The following AGRN variants were observed in gnomAD, a reference collection of about 807,000 sequenced individuals.
AGRN encodes agrin proteoglycan.
In AGRN, 106 loss-of-function variants were observed where a neutral mutation model predicts 211.0. That is an observed-to-expected ratio of 0.50 (90% CI 0.43 to 0.59). The LOEUF (loss-of-function observed/expected upper bound fraction) is 0.59, where lower values mean the gene tolerates loss of function less well. Ranked by LOEUF, AGRN falls within the 20% of genes least tolerant of loss-of-function variation. The pLI, the probability that AGRN is intolerant of heterozygous loss-of-function variation, is 0.00. For synonymous variants in AGRN, 1,525 were observed against 1,332.5 expected, an observed-to-expected ratio of 1.14 and a Z score of -3.15; for missense variants, 3,040 against 2,982.6, an observed-to-expected ratio of 1.02 and a Z score of -0.45.
At position 1,043,751 on chromosome 1, in the gene AGRN, C is replaced by A. The variant is rs1252470719; in HGVS notation, c.1798+19C>A. Reference sequence around the variant, plus strand: ...CCCTGTGGTGAGTGAGGCCCTGGGGCCGGGCGGGCCAGGGTCCTGTGCCTC... The same window carrying A: ...CCCTGTGGTGAGTGAGGCCCTGGGGACGGGCGGGCCAGGGTCCTGTGCCTC... On this transcript the variant is annotated intron_variant, in intron 9 of 35. Coordinates refer to ENST00000379370, the MANE Select transcript of AGRN (RefSeq NM_198576.4). The A allele has an allele frequency of 6.2e-7, 1 of 1,602,126 alleles. No individual in the cohort carries two copies. Among genetic ancestry groups the A allele is most frequent in the Non-Finnish European group, 8.5e-7 (1 of 1,179,734 alleles).
In AGRN at chr1:1,020,242, CTGCCCGGAGCCGGCGGGACA is replaced by C. The variant is rs1644365484; in HGVS notation, c.81_100del (p.Gly28ArgfsTer70). The C allele has an allele frequency of 6.9e-7, 1 of 1,448,238 alleles. No homozygotes were observed. The highest frequency in any genetic ancestry group is 9.1e-7 in the Non-Finnish European group (1 of 1,100,292). The allele number at this position is 1,448,238 out of a possible 1,614,324, so 89.7% of individuals were successfully genotyped here. A position where few individuals can be genotyped will look rare whatever the true frequency, so the allele number is the denominator to read the frequency against. The stretch of plus-strand genomic sequence containing the variant: ...GCTCCTTGTGGTGGCCGCGTGCGTC[CTGCCCGGAGCCGGCGGGACA>C]TGCCCGGAGCGCGCGCTGGAGCGGC... On this transcript the variant is annotated frameshift_variant, in exon 1 of 36. Coordinates refer to ENST00000379370, the MANE Select transcript of AGRN (RefSeq NM_198576.4). LOFTEE classifies it high-confidence loss of function.
chr1:1,026,671 G>C (rs533048144), intron 2 of AGRN, among the ~76,000 whole-genome samples: 342 of 152,216 alleles, frequency 2.2e-3, no homozygotes, highest in Non-Finnish European at 2.8e-3. Context: ...CTCCCCACTT[G>C]GACTGGGCTC....
intron 2 of AGRN, among the ~76,000 whole-genome samples, chr1:1,025,844 G>C (rs927442965): frequency 1.3e-5 from 2 of 151,974 alleles, no homozygotes; most frequent in African/African-American, 4.8e-5. Flanking sequence ...GCTGGGAGGG[G>C]GGTCTGCCGG....
Position 1,054,042 on chromosome 1 carries a change from T to C in AGRN, c.5876+65T>C, listed in dbSNP as rs542980923. The C allele has an allele frequency of 2.0e-4, 294 of 1,502,382 alleles. No homozygotes were observed. The Middle Eastern group carries it at 3.0e-3, about 15-fold the overall frequency. 93.1% of individuals were successfully genotyped at this position (1,502,382 alleles called of 1,614,324 possible). ...GCTGCCCAGACTTGCCCAGCTGGGC[T>C]GTGTCCAGTCACTTGTGACCAGGGG... is the stretch of plus-strand genomic sequence containing the variant. On this transcript the variant is annotated intron_variant, in intron 34 of 35. Transcript: ENST00000379370.
At chr1:1,042,870 C>T (rs1034250992) in intron 7 of AGRN, among the ~76,000 whole-genome samples, 7 of 151,940 alleles carry the variant, frequency 4.6e-5, no homozygotes, top group African/African-American at 1.7e-4. Context: ...GGTGCAGGCT[C>T]CTCCCACCCA....
intron 3 of AGRN, among the ~76,000 whole-genome samples, chr1:1,035,644 C>G (rs112283364): frequency 2.0e-5 from 3 of 152,200 alleles, no homozygotes; most frequent in Admixed American, 2.0e-4. Context: ...GGCCAGAGTC[C>G]GGTCAGGGGG....
intron 33 of AGRN, chr1:1,052,030 G>T: frequency 6.6e-7 from 1 of 1,516,140 alleles, no homozygotes; most frequent in Non-Finnish European, 8.9e-7. Flanking sequence ...AGTAGAGCTC[G>T]GCGCCCCCCG....
Position 1,050,287 on chromosome 1 carries a change from A to G in AGRN, c.4934A>G (p.His1645Arg), listed in dbSNP as rs758744782. The G allele has an allele frequency of 6.2e-7, 1 of 1,612,542 alleles. No homozygotes were observed. The highest frequency in any genetic ancestry group is 8.5e-7 in the Non-Finnish European group (1 of 1,179,830). The change falls in exon 28 of 36, where the codon CAC becomes CGC. Residue 1645 changes from histidine to arginine, a missense_variant. Physicochemically the swap from His to Arg is conservative, Grantham distance 29. Transcript: ENST00000379370. ...PFLADFNGFSHLELRGLHTFA... is the reference protein window; with the variant it reads ...PFLADFNGFSRLELRGLHTFA... Reference sequence around the variant, plus strand: ...CTGGCTGACTTCAACGGCTTCTCCCACCTGGAGCTGAGAGGCCTGCACACC... The same window carrying G: ...CTGGCTGACTTCAACGGCTTCTCCCGCCTGGAGCTGAGAGGCCTGCACACC...
At chr1:1,053,697 C>T in intron 33 of AGRN, 56 bp from the exon 34 acceptor site, 2 of 1,538,516 alleles carry the variant, frequency 1.3e-6, no homozygotes, top group Non-Finnish European at 1.8e-6. Flanking sequence ...CCCGCCTCCC[C>T]CACCCTGTCC....
At position 1,042,116 on chromosome 1, in the gene AGRN, G is replaced by A. The variant is rs774235863; in HGVS notation, c.1338G>A (p.Glu446=). ...GTGATTGCTGGCGGCAGCAGGCTGA[G>A]TGCCGGCAGCAGCGTGCCATCCCCA... ...YDSDCWRQQA[E]CRQQRAIPSK... is the part of the protein sequence containing the mutation. Residue 446 remains glutamate, a synonymous_variant, in exon 7 of 36, where the codon GAG becomes GAA. Transcript: ENST00000379370. 1.9e-6 allele frequency: 3 copies of A among 1,601,706 alleles called. No homozygotes were observed. Among genetic ancestry groups the A allele is most frequent in the South Asian group, 2.2e-5 (2 of 90,990 alleles).
intron 2 of AGRN, chr1:1,035,062 A>G (rs978266641): frequency 5.8e-5 from 37 of 639,018 alleles, no homozygotes; most frequent in Non-Finnish European, 9.7e-5. Context: ...GGCCATGACT[A>G]TTTGGCTGGA....
Position 1,055,152 on chromosome 1 carries a change from C to A in AGRN, c.*171C>A. The A allele has an allele frequency of 9.0e-7, 1 of 1,107,452 alleles. No individual in the cohort carries two copies. The highest frequency in any genetic ancestry group is 1.5e-5 in the South Asian group (1 of 68,936). The allele number at this position is 1,107,452 out of a possible 1,614,324, so 68.6% of individuals were successfully genotyped here. On this transcript the variant is annotated 3_prime_UTR_variant, in exon 36 of 36. Coordinates refer to ENST00000379370, the MANE Select transcript of AGRN (RefSeq NM_198576.4). ...GACCTAGTGCCGAGGGATGGACAGGCGAGGTGGCAGCGTGGAGGGCTCGGC... is the reference window on the plus strand; with the variant it reads ...GACCTAGTGCCGAGGGATGGACAGGAGAGGTGGCAGCGTGGAGGGCTCGGC...
rs1298843399 is a variant in AGRN, at chr1:1,046,063, C to T, written c.2780C>T (p.Thr927Ile). The change falls in exon 16 of 36, where the codon ACC (threonine) becomes ATC (isoleucine). Residue 927 changes from threonine (T) to isoleucine (I), a missense_variant. Thr to Ile is a moderately conservative substitution (Grantham distance 89, BLOSUM62 -1). This residue lies in a region of AGRN where 1,498 missense variants were observed against 1,457.8 expected (regional missense o/e 1.03). Transcript: ENST00000379370. ...GSAHCVCPMLTCPEANATKVC... is the reference protein window; with the variant it reads ...GSAHCVCPMLICPEANATKVC... Reference sequence around the variant, plus strand: ...GCCCACTGTGTCTGCCCGATGCTCACCTGTCCAGAGGCCAACGCTACCAAG... The same window carrying T: ...GCCCACTGTGTCTGCCCGATGCTCATCTGTCCAGAGGCCAACGCTACCAAG... The T allele has an allele frequency of 6.2e-7, 1 of 1,614,056 alleles. No homozygotes were observed. Among genetic ancestry groups the T allele is most frequent in the South Asian group, 1.1e-5 (1 of 91,092 alleles).
At chr1:1,022,720 C>G (rs966880000) in intron 2 of AGRN, among the ~76,000 whole-genome samples, 17 of 152,264 alleles carry the variant, frequency 1.1e-4, no homozygotes, top group African/African-American at 4.1e-4. Context: ...CTCCTGCCTC[C>G]TCCCCTCCTC....
intron 24 of AGRN, 76 bp downstream of exon 24, chr1:1,049,135 C>A: frequency 2.2e-6 from 2 of 901,210 alleles, no homozygotes; most frequent in Middle Eastern, 4.0e-4. Flanking sequence ...GGGGCCGGGG[C>A]AGCTCAGGTG....
chr1:1,050,641 C>T (rs375634405), intron 29 of AGRN, 50 bp downstream of exon 29: 83 of 1,603,428 alleles, frequency 5.2e-5, no homozygotes, highest in Non-Finnish European at 6.3e-5. Flanking sequence ...GGCCCGGGGC[C>T]GGGGCACCAG....
At chr1:1,040,533 T>C in intron 3 of AGRN, 132 bp from the exon 4 acceptor site, 2 of 1,101,936 alleles carry the variant, frequency 1.8e-6, no homozygotes, top group Non-Finnish European at 2.6e-6. Flanking sequence ...CGTGTCCGTG[T>C]CCGTGGTGGA....
Position 1,053,154 on chromosome 1 carries a change from G to A in AGRN, c.5652-599G>A, listed in dbSNP as rs145588514. On this transcript the variant is annotated intron_variant, in intron 33 of 35. Coordinates refer to ENST00000379370, the MANE Select transcript of AGRN (RefSeq NM_198576.4). ...CTACGCCTACCTCCTTGATCTCTGC[G>A]CCCAGCCTTGGCTGTGCTCCCCTGC... The A allele has an allele frequency of 2.5e-3, 719 of 282,758 alleles. 9 individuals are homozygous for A. The highest frequency in any genetic ancestry group is 0.015 in the African/African-American group (680 of 44,818). 17.5% of individuals were successfully genotyped at this position (282,758 alleles called of 1,614,324 possible). A position where few individuals can be genotyped will look rare whatever the true frequency, so the allele number is the denominator to read the frequency against.
At position 1,043,985 on chromosome 1, in the gene AGRN, C is replaced by G; in HGVS notation, c.1961C>G (p.Thr654Arg). Reference sequence around the variant, plus strand: ...CGGGAAGCCGCCTGCCTCCAGCAGACACAGATCGAGGAGGCCCGGGCAGGG... The same window carrying G: ...CGGGAAGCCGCCTGCCTCCAGCAGAGACAGATCGAGGAGGCCCGGGCAGGG... ...ELREAACLQQ[T>R]QIEEARAGPC... is the part of the protein sequence containing the mutation. The change falls in exon 10 of 36, where the codon ACA becomes AGA. Residue 654 changes from threonine (T) to arginine (R), a missense_variant. Physicochemically the swap from Thr to Arg is moderately conservative, Grantham distance 71 (BLOSUM62 -1). Transcript: ENST00000379370. 1 of 1,606,786 alleles carries G rather than the reference C, an allele frequency of 6.2e-7. No individual in the cohort carries two copies. The highest frequency in any genetic ancestry group is 8.5e-7 in the Non-Finnish European group (1 of 1,178,966).
Sources: gnomAD v4.1 joint callset for allele counts (sites outside exome capture counted in the v4.1 genomes callset) on GRCh38, gnomAD v4.1.1 for gene constraint, gnomAD v4.1.1 regional missense constraint, MANE v1.5 for transcripts, NCBI Gene and HGNC (gene_info 2026-07-23, HGNC 2026-07-21) for gene names.